Variants in CDH23 observed in about 807,000 individuals in gnomAD.
CDH23 encodes cadherin related 23.
In CDH23, 189 loss-of-function variants were observed where a neutral mutation model predicts 317.1. The ratio of observed to expected loss-of-function variants is 0.60; its 90% CI spans 0.53 to 0.67. The LOEUF (loss-of-function observed/expected upper bound fraction) is 0.67. Ranked by LOEUF, CDH23 falls within the 30% of genes least tolerant of loss-of-function variation. The pLI, the probability that CDH23 is intolerant of heterozygous loss-of-function variation, is 0.00. For synonymous variants in CDH23, 1,839 were observed against 1,876.8 expected (o/e 0.98, Z 0.52); for missense variants, 4,401 against 4,592.4 (o/e 0.96, Z 1.20).
In CDH23 at chr10:71,615,501, C is replaced by A; in HGVS notation, c.833-3C>A. ...CACACCTGAATGCTTCTCTCTCTTG[C>A]AGGGAATACCAACAGCATCTTTGCC... On this transcript the variant is annotated splice_region_variant and splice_polypyrimidine_tract_variant and intron_variant, in intron 9 of 69. Transcript: ENST00000224721. 1.3e-6 allele frequency: 2 copies of A among 1,595,110 alleles called. No homozygotes were observed. The highest frequency in any genetic ancestry group is 1.7e-6 in the Non-Finnish European group (2 of 1,168,470).
At chr10:71,759,922 C>CACACACATATAT (rs1840274780) in intron 38 of CDH23, among the ~76,000 whole-genome samples, 3 of 40,290 alleles carry the variant, frequency 7.4e-5, no homozygotes, top group East Asian at 1.0e-3. Flanking sequence ...CACATATATA[C>CACACACATATAT]ACACACACAT....
chr10:71,615,902 A>G (rs544285684), intron 10 of CDH23, among the ~76,000 whole-genome samples: 2 of 152,222 alleles, frequency 1.3e-5, no homozygotes, highest in Non-Finnish European at 2.9e-5. Flanking sequence ...GTAGGTGCTC[A>G]TCCTGTGGTC....
intron 18 of CDH23, among the ~76,000 whole-genome samples, chr10:71,683,902 G>C (rs1187637678): frequency 1.3e-5 from 2 of 152,026 alleles, no homozygotes; most frequent in African/African-American, 4.8e-5. Flanking sequence ...CCAACGTGGT[G>C]AAACTCCATC....
At chr10:71,454,845 ATT>A (rs397720434) in intron 3 of CDH23, among the ~76,000 whole-genome samples, 2 of 141,234 alleles carry the variant, frequency 1.4e-5, no homozygotes, top group Non-Finnish European at 3.1e-5. Context: ...TTTACATTTT[ATT>A]TTTTTTTTTT....
Position 71,690,504 on chromosome 10 carries a change from A to G in CDH23, c.2096A>G (p.Asp699Gly), listed in dbSNP as rs1554856028. 1 of 1,610,888 alleles carries G rather than the reference A, an allele frequency of 6.2e-7. No individual in the cohort carries two copies. Among genetic ancestry groups the G allele is most frequent in the Non-Finnish European group, 8.5e-7 (1 of 1,178,714 alleles). ...CTGTTCCTGAATGCCACAGACCTGG[A>G]CCGCTCCCGGGAGTACGGCCAGGAG... ...TVLFLNATDL[D>G]RSREYGQESI... Residue 699 changes from aspartate to glycine, a missense_variant, in exon 20 of 70, where the codon GAC (aspartate) becomes GGC (glycine). By Grantham distance (94) the Asp-to-Gly change is moderately conservative. Around this residue, in one of 3 missense-constraint regions of CDH23, gnomAD observed 3,068 missense variants for 3,203.3 expected, o/e 0.96. Coordinates refer to ENST00000224721, the MANE Select transcript of CDH23 (RefSeq NM_022124.6).
chr10:71,635,881 G>C (rs1862245631), intron 11 of CDH23, among the ~76,000 whole-genome samples: 1 of 151,996 alleles, frequency 6.6e-6, no homozygotes. Context: ...CAGTAGATGT[G>C]GTGTCTGGTG....
At chr10:71,466,460 G>A (rs916494901) in intron 3 of CDH23, among the ~76,000 whole-genome samples, 56 of 152,238 alleles carry the variant, frequency 3.7e-4, no homozygotes, top group African/African-American at 1.3e-3. Context: ...GCATGTGCAT[G>A]TGAGAGTGTG....
At chr10:71,610,988 A>G (rs1429998610) in intron 9 of CDH23, among the ~76,000 whole-genome samples, 1 of 146,020 alleles carries the variant, frequency 6.8e-6, no homozygotes, top group Non-Finnish European at 1.5e-5. Flanking sequence ...GCACCTGTCC[A>G]CCCAGGGGAA....
Position 71,738,529 on chromosome 10 carries a change from A to G in CDH23, c.4241A>G (p.Asn1414Ser). The change falls in exon 35 of 70, where the codon AAC becomes AGC. Residue 1414 changes from asparagine (N) to serine (S), a missense_variant. Around this residue, in one of 3 missense-constraint regions of CDH23, gnomAD observed 3,068 missense variants for 3,203.3 expected, o/e 0.96. Coordinates refer to ENST00000224721, the MANE Select transcript of CDH23 (RefSeq NM_022124.6). ...ATCACTGTGCTGGACGAGAATGACA[A>G]CAGCCCCCGGTTTGACTTCACCTCC... ...VYITVLDEND[N>S]SPRFDFTSDS... 1.2e-6 allele frequency: 2 copies of G among 1,613,972 alleles called. No homozygotes were observed. The highest frequency in any genetic ancestry group is 1.1e-5 in the South Asian group (1 of 91,084).
intron 1 of CDH23, among the ~76,000 whole-genome samples, chr10:71,426,073 T>C (rs1157616204): frequency 6.6e-6 from 1 of 152,144 alleles, no homozygotes; most frequent in Non-Finnish European, 1.5e-5. Flanking sequence ...CTCCCACCCC[T>C]CTGTCTTGGG....
At chr10:71,494,528 T>C (rs555427888) in intron 3 of CDH23, among the ~76,000 whole-genome samples, 7 of 152,292 alleles carry the variant, frequency 4.6e-5, no homozygotes, top group Admixed American at 3.9e-4. Flanking sequence ...CTCATTGGAG[T>C]GCGGGAATAC....
intron 41 of CDH23, among the ~76,000 whole-genome samples, chr10:71,784,080 T>C (rs896051744): frequency 6.6e-6 from 1 of 152,094 alleles, no homozygotes; most frequent in Non-Finnish European, 1.5e-5. Context: ...CCTGCACCCG[T>C]GGTGGTGATC....
chr10:71,429,068 T>C (rs1349472410), intron 1 of CDH23, among the ~76,000 whole-genome samples: 2 of 152,252 alleles, frequency 1.3e-5, no homozygotes, highest in Non-Finnish European at 1.5e-5. Flanking sequence ...TGCATAAAAG[T>C]TTTTCATTTT....
chr10:71,427,167 A>AAG (rs1589292201), intron 1 of CDH23, among the ~76,000 whole-genome samples: 4 of 96,960 alleles, frequency 4.1e-5, no homozygotes, highest in East Asian at 2.9e-4. Context: ...AAAAAAAAAA[A>AAG]AAAGAAAGAA....
At chr10:71,784,815 G>C (rs1260582661) in intron 42 of CDH23, 76 bp from the exon 43 acceptor site, 11 of 1,233,210 alleles carry the variant, frequency 8.9e-6, no homozygotes, top group Non-Finnish European at 1.2e-5. Context: ...CGCCCTTGGC[G>C]AACCTCCTCC....
intron 22 of CDH23, among the ~76,000 whole-genome samples, chr10:71,697,824 C>T (rs1232596992): frequency 6.6e-6 from 1 of 152,216 alleles, no homozygotes; most frequent in African/African-American, 2.4e-5. Flanking sequence ...ATTGTCACCC[C>T]TGAGGAGTCA....
chr10:71,787,824 T>C (rs922536464), intron 44 of CDH23, among the ~76,000 whole-genome samples: 2 of 152,256 alleles, frequency 1.3e-5, no homozygotes, highest in Admixed American at 6.5e-5. Flanking sequence ...ATCTTTGCTA[T>C]TGTGAATAGT....
chr10:71,805,908 C>T lies in CDH23; in HGVS notation c.7975C>T (p.Arg2659Trp). The T allele has an allele frequency of 6.2e-7, 1 of 1,613,454 alleles. No individual in the cohort carries two copies. Among genetic ancestry groups the T allele is most frequent in the Non-Finnish European group, 8.5e-7 (1 of 1,179,720 alleles). ...CAGCTTCCTGAAGACTGCGGGCAAC[C>T]GGGACTGGGAGTTCTTCATCATCGA... ...RYSFLKTAGN[R>W]DWEFFIIDPI... Residue 2659 changes from arginine to tryptophan, a missense_variant, in exon 56 of 70, where the codon CGG (arginine) becomes TGG (tryptophan). Physicochemically the swap from Arg to Trp is moderately radical, Grantham distance 101. This residue lies in a region of CDH23 where 1,144 missense variants were observed against 1,138.2 expected (regional missense o/e 1.01). Coordinates refer to ENST00000224721, the MANE Select transcript of CDH23 (RefSeq NM_022124.6).
chr10:71,791,348 C>G lies in CDH23; in HGVS notation c.6253+13C>G. Reference sequence around the variant, plus strand: ...AACTGCCCGCCTGGTAAGCAGGGGACAGGCCCCAGCACCCCACAACCAGGG... The same window carrying G: ...AACTGCCCGCCTGGTAAGCAGGGGAGAGGCCCCAGCACCCCACAACCAGGG... On this transcript the variant is annotated intron_variant, in intron 47 of 69. Transcript: ENST00000224721. The G allele has an allele frequency of 6.2e-7, 1 of 1,609,816 alleles. No homozygotes were observed. Among genetic ancestry groups the G allele is most frequent in the Non-Finnish European group, 8.5e-7 (1 of 1,177,698 alleles).
Sources: allele counts gnomAD v4.1 joint callset (sites outside exome capture counted in the v4.1 genomes callset), GRCh38; gene constraint gnomAD v4.1.1; regional missense constraint gnomAD v4.1.1; transcripts MANE v1.5; gene names NCBI Gene and HGNC (gene_info 2026-07-23, HGNC 2026-07-21).